GRIP1: variants seen among roughly 807,000 people sequenced by gnomAD.
GRIP1 encodes glutamate receptor interacting protein 1.
In GRIP1, 45 loss-of-function variants were observed where a neutral mutation model predicts 129.9. That is an observed-to-expected ratio of 0.35 (90% CI 0.27 to 0.44). The LOEUF (loss-of-function observed/expected upper bound fraction) is 0.44, where lower values mean the gene tolerates loss of function less well. Among genes scored for constraint, GRIP1 ranks in the 20% least tolerant of loss-of-function variants. The pLI is 1.00. For synonymous variants in GRIP1, 530 were observed against 520.8 expected, an observed-to-expected ratio of 1.02 and a Z score of -0.24; for missense variants, 1,196 against 1,396.8, an observed-to-expected ratio of 0.86 and a Z score of 2.29.
At chr12:66,970,867 A>G (rs943784237) in intron 1 of GRIP1, among the ~76,000 whole-genome samples, 10 of 152,154 alleles carry the variant, frequency 6.6e-5, no homozygotes, top group Admixed American at 6.6e-4. Context: ...AGATGGGATA[A>G]GACTCTGGTA....
intron 1 of GRIP1, among the ~76,000 whole-genome samples, chr12:66,866,895 C>A (rs1473791208): frequency 1.3e-5 from 2 of 152,180 alleles, no homozygotes; most frequent in Non-Finnish European, 2.9e-5. Flanking sequence ...TGTATATATA[C>A]TTCAGAATAT....
chr12:66,961,556 T>C (rs2041921461), intron 1 of GRIP1, among the ~76,000 whole-genome samples: 2 of 152,150 alleles, frequency 1.3e-5, no homozygotes, highest in Non-Finnish European at 1.5e-5. Flanking sequence ...TATCTGTTGA[T>C]GTTACAGACC....
rs557530650 is a variant in GRIP1, at chr12:66,412,797, C to G, written c.1839-6369G>C. Among the ~76,000 whole-genome samples, 10 of 152,180 alleles carry G rather than the reference C, an allele frequency of 6.6e-5. No homozygotes were observed. The South Asian group carries it at 1.0e-3, about 16-fold the overall frequency. Reference sequence around the variant, plus strand: ...AAATAAAGTGATGGAGTAAAATTTACCAAGCAATGAAAAACTGACAAAAGC... The same window carrying G: ...AAATAAAGTGATGGAGTAAAATTTAGCAAGCAATGAAAAACTGACAAAAGC... On this transcript the variant is annotated intron_variant, in intron 15 of 24. Transcript: ENST00000359742.
intron 1 of GRIP1, among the ~76,000 whole-genome samples, chr12:66,830,602 A>G (rs2039498925): frequency 6.6e-6 from 1 of 152,188 alleles, no homozygotes; most frequent in African/African-American, 2.4e-5. Context: ...TCTGATCTCT[A>G]GAATGGTGAG....
At chr12:66,577,016 C>A (rs1173619205) in intron 2 of GRIP1, among the ~76,000 whole-genome samples, 1 of 152,176 alleles carries the variant, frequency 6.6e-6, no homozygotes, top group Non-Finnish European at 1.5e-5. Context: ...CTTTTCAGAC[C>A]AGCAGCGTGG....
intron 14 of GRIP1, among the ~76,000 whole-genome samples, chr12:66,427,414 T>A (rs570506886): frequency 6.6e-6 from 1 of 151,926 alleles, no homozygotes; most frequent in East Asian, 1.9e-4. Context: ...CCCCCAAACA[T>A]AGAAGTATAA....
At chr12:66,392,558 C>T in intron 18 of GRIP1, 56 bp from the exon 19 acceptor site, 2 of 1,580,368 alleles carry the variant, frequency 1.3e-6, no homozygotes, top group South Asian at 2.2e-5. Flanking sequence ...AAAAATATAC[C>T]AAGATACTCC....
chr12:66,447,265 A>AT (rs766922759), intron 11 of GRIP1, among the ~76,000 whole-genome samples: 3 of 152,082 alleles, frequency 2.0e-5, no homozygotes, highest in Non-Finnish European at 2.9e-5. Flanking sequence ...ACCTCATGGG[A>AT]TTTTCCTATA....
At chr12:66,350,520 T>C (rs937943030) in intron 24 of GRIP1, among the ~76,000 whole-genome samples, 2 of 152,116 alleles carry the variant, frequency 1.3e-5, no homozygotes, top group South Asian at 4.1e-4. Context: ...AATACATAGA[T>C]ACATTTTGTT....
chr12:66,476,701 T>C (rs1188157704), intron 7 of GRIP1, among the ~76,000 whole-genome samples: 1 of 152,178 alleles, frequency 6.6e-6, no homozygotes, highest in East Asian at 1.9e-4. Flanking sequence ...GCTTCATCCC[T>C]GGGATGCAAG....
chr12:67,037,440 C>T (rs2043115434), intron 1 of GRIP1: 1 of 151,424 alleles, frequency 6.6e-6, no homozygotes, highest in Non-Finnish European at 1.5e-5. Flanking sequence ...GCCTGCAGGG[C>T]ATTGTTTCAA....
chr12:66,693,184 T>C (rs187221091), intron 1 of GRIP1, among the ~76,000 whole-genome samples: 126 of 152,300 alleles, frequency 8.3e-4, no homozygotes, highest in Non-Finnish European at 1.0e-4. Flanking sequence ...GGGTGATGTC[T>C]AAACTCAGGT....
chr12:66,694,380 G>T (rs2035081887), intron 1 of GRIP1, among the ~76,000 whole-genome samples: 1 of 152,064 alleles, frequency 6.6e-6, no homozygotes, highest in African/African-American at 2.4e-5. Context: ...AAAAAATGTG[G>T]AAACAGAGAG....
intron 5 of GRIP1, among the ~76,000 whole-genome samples, chr12:66,528,124 G>T (rs908611087): frequency 2.5e-5 from 3 of 119,416 alleles, no homozygotes; most frequent in East Asian, 2.6e-4. Flanking sequence ...TTATACTTTA[G>T]AATTAGTAGG....
At chr12:67,050,234 A>G (rs2043321168) in intron 1 of GRIP1, among the ~76,000 whole-genome samples, 1 of 152,000 alleles carries the variant, frequency 6.6e-6, no homozygotes, top group Admixed American at 6.6e-5. Flanking sequence ...AACTTATCCT[A>G]TTTTCTATTT....
intron 2 of GRIP1, chr12:66,568,360 A>C (rs1007241816): frequency 1.7e-5 from 3 of 172,858 alleles, no homozygotes; most frequent in African/African-American, 7.1e-5. Flanking sequence ...ATATGCTTCT[A>C]AAAGAGATCC....
intron 11 of GRIP1, among the ~76,000 whole-genome samples, chr12:66,450,997 T>C (rs17245893): frequency 0.23 from 35,061 of 152,116 alleles, 4,537 homozygotes; most frequent in Middle Eastern, 0.42. Context: ...CCGCAAGGTA[T>C]TCAGTCGTCA....
At chr12:66,869,962 G>A (rs960262686) in intron 1 of GRIP1, among the ~76,000 whole-genome samples, 2 of 152,076 alleles carry the variant, frequency 1.3e-5, no homozygotes, top group African/African-American at 4.8e-5. Context: ...GACATTATGG[G>A]CCAGATAATT....
At chr12:66,642,517 C>A (rs931236795) in intron 1 of GRIP1, among the ~76,000 whole-genome samples, 1 of 152,050 alleles carries the variant, frequency 6.6e-6, no homozygotes, top group Admixed American at 6.6e-5. Context: ...GGAGCCTTAT[C>A]CCCAGGATGA....
Sources: gnomAD v4.1 joint callset for allele counts (sites outside exome capture counted in the v4.1 genomes callset) on GRCh38, gnomAD v4.1.1 for gene constraint, MANE v1.5 for transcripts, NCBI Gene and HGNC (gene_info 2026-07-23, HGNC 2026-07-21) for gene names.